Variants in PARD3 observed in about 807,000 individuals in gnomAD.
PARD3 encodes par-3 family cell polarity regulator, also known as partitioning defective 3 homolog.
A neutral mutation model predicts 155.4 loss-of-function variants in PARD3; 75 were observed. The observed-to-expected ratio is 0.48, with a 90% CI of 0.40 to 0.58. PARD3 has a LOEUF of 0.58. Ranked by LOEUF, PARD3 falls within the 20% of genes least tolerant of loss-of-function variation. PARD3 has a pLI of 0.00. For synonymous variants in PARD3, 576 were observed against 610.5 expected (o/e 0.94, Z 0.83); for missense variants, 1,642 against 1,721.7 (o/e 0.95, Z 0.82).
At chr10:34,177,545 C>T (rs1428031137) in intron 22 of PARD3, among the ~76,000 whole-genome samples, 7 of 152,230 alleles carry the variant, frequency 4.6e-5, no homozygotes, top group Non-Finnish European at 5.9e-5. Context: ...ATTCTTCGTT[C>T]TCTCCGATTT....
intron 2 of PARD3, among the ~76,000 whole-genome samples, chr10:34,558,288 T>A (rs2085178400): frequency 6.6e-6 from 1 of 152,240 alleles, no homozygotes; most frequent in African/African-American, 2.4e-5. Context: ...TGGATGCTGT[T>A]ACAAAGTTTT....
At chr10:34,737,483 T>C (rs941891758) in intron 1 of PARD3, among the ~76,000 whole-genome samples, 15 of 152,266 alleles carry the variant, frequency 9.9e-5, no homozygotes, top group African/African-American at 3.6e-4. Flanking sequence ...GAAAATCCTA[T>C]CCCCTCCCAC....
intron 2 of PARD3, among the ~76,000 whole-genome samples, chr10:34,542,871 T>C (rs994481036): frequency 6.6e-6 from 1 of 152,226 alleles, no homozygotes; most frequent in Non-Finnish European, 1.5e-5. Flanking sequence ...ATATTGTGAA[T>C]AAATTCACTA....
At chr10:34,543,761 T>G (rs2083827415) in intron 2 of PARD3, among the ~76,000 whole-genome samples, 1 of 152,216 alleles carries the variant, frequency 6.6e-6, no homozygotes, top group Admixed American at 6.5e-5. Flanking sequence ...ACTAATGAGA[T>G]CTCAGGGCAT....
intron 20 of PARD3, among the ~76,000 whole-genome samples, chr10:34,297,063 G>A (rs1956944074): frequency 6.6e-6 from 1 of 152,130 alleles, no homozygotes; most frequent in African/African-American, 2.4e-5. Context: ...GCTCACAACT[G>A]GAATTCCAGC....
chr10:34,412,376 T>A (rs925496118), intron 5 of PARD3, among the ~76,000 whole-genome samples: 1 of 152,202 alleles, frequency 6.6e-6, no homozygotes, highest in Non-Finnish European at 1.5e-5. Flanking sequence ...TAAAAAGCGA[T>A]GTACTCTCTT....
chr10:34,208,897 T>C (rs1951607438), intron 22 of PARD3, among the ~76,000 whole-genome samples: 1 of 152,222 alleles, frequency 6.6e-6, no homozygotes, highest in South Asian at 2.1e-4. Context: ...ATTAAATGTT[T>C]GAAACCTCTA....
At chr10:34,479,333 T>C (rs2078918502) in intron 3 of PARD3, among the ~76,000 whole-genome samples, 2 of 151,922 alleles carry the variant, frequency 1.3e-5, no homozygotes, top group South Asian at 4.2e-4. Flanking sequence ...GGCTAATTTT[T>C]TGTATTTTTA....
chr10:34,204,658 A>C (rs1326347709), intron 22 of PARD3, among the ~76,000 whole-genome samples: 1 of 152,214 alleles, frequency 6.6e-6, no homozygotes, highest in African/African-American at 2.4e-5. Context: ...ATTCAGATGC[A>C]TCTGCCATAC....
chr10:34,173,354 A>G (rs547588711), intron 22 of PARD3, among the ~76,000 whole-genome samples: 1 of 152,326 alleles, frequency 6.6e-6, no homozygotes, highest in African/African-American at 2.4e-5. Context: ...TCAGGTTGTA[A>G]TAAATGCAGT....
intron 1 of PARD3, among the ~76,000 whole-genome samples, chr10:34,725,913 G>T (rs79075782): frequency 0.018 from 2,771 of 152,256 alleles, 84 homozygotes; most frequent in African/African-American, 0.064. Context: ...TTTGTGTGTT[G>T]TTGTTTTTTT....
intron 5 of PARD3, among the ~76,000 whole-genome samples, chr10:34,442,544 T>A (rs1043585833): frequency 1.3e-5 from 2 of 152,072 alleles, no homozygotes; most frequent in African/African-American, 4.8e-5. Flanking sequence ...CTGGGCAACA[T>A]TTAAAAGGCC....
rs188409549 is a variant in PARD3 at position 34,592,057 on chromosome 10, T to C, written c.223-74898A>G. ...CTTCACTTCTAGATTCCAAAATTTC[T>C]TTCCTAAACCTTCAGTCCTGACACA... On this transcript the variant is annotated intron_variant, in intron 2 of 24. Transcript: ENST00000374788. Among the ~76,000 whole-genome samples the C allele has an allele frequency of 1.9e-3, 286 of 152,282 alleles. 1 individual carries two copies. Among genetic ancestry groups the C allele is most frequent in the African/African-American group, 6.5e-3 (269 of 41,538 alleles).
chr10:34,518,867 A>G (rs2081952298), intron 2 of PARD3, among the ~76,000 whole-genome samples: 1 of 152,212 alleles, frequency 6.6e-6, no homozygotes, highest in African/African-American at 2.4e-5. Flanking sequence ...ACTAAAAAGC[A>G]AAACAGTAAT....
intron 1 of PARD3, among the ~76,000 whole-genome samples, chr10:34,802,040 C>G (rs1842879086): frequency 6.6e-6 from 1 of 152,084 alleles, no homozygotes; most frequent in Non-Finnish European, 1.5e-5. Context: ...GTAAGTGATG[C>G]CTTTTAATGT....
chr10:34,538,993 A>C (rs665402), intron 2 of PARD3, among the ~76,000 whole-genome samples: 11,124 of 152,286 alleles, frequency 0.073, 435 homozygotes, highest in Middle Eastern at 0.092. Flanking sequence ...TTAGAAGTAC[A>C]TTTGGTGGCA....
intron 2 of PARD3, among the ~76,000 whole-genome samples, chr10:34,537,714 T>G (rs1271104896): frequency 6.6e-6 from 1 of 152,184 alleles, no homozygotes; most frequent in Non-Finnish European, 1.5e-5. Flanking sequence ...GAAAAGCCAT[T>G]GCTTAGACAT....
At chr10:34,524,303 G>C (rs1224687269) in intron 2 of PARD3, among the ~76,000 whole-genome samples, 2 of 152,146 alleles carry the variant, frequency 1.3e-5, no homozygotes, top group Admixed American at 1.3e-4. Flanking sequence ...TGTCCGACAA[G>C]AGCTAATGCC....
intron 21 of PARD3, among the ~76,000 whole-genome samples, chr10:34,282,082 ATGCTTGCCCT>A (rs1956185255): frequency 6.6e-6 from 1 of 151,662 alleles, no homozygotes; most frequent in Non-Finnish European, 1.5e-5. Context: ...ATATGGAAGA[ATGCTTGCCCT>A]ATTAAAATAC....
Sources: gnomAD v4.1 joint callset for allele counts (sites outside exome capture counted in the v4.1 genomes callset) on GRCh38, gnomAD v4.1.1 for gene constraint, MANE v1.5 for transcripts, NCBI Gene and HGNC (gene_info 2026-07-23, HGNC 2026-07-21) for gene names.